Variants in SLC14A2 observed in about 807,000 individuals in gnomAD.
SLC14A2 encodes urea transporter 2.
In SLC14A2, 91 loss-of-function variants were observed where a neutral mutation model predicts 104.6. That is an observed-to-expected ratio of 0.87 (90% CI 0.73 to 1.04). SLC14A2 has a LOEUF of 1.04. Among genes scored for constraint, SLC14A2 ranks in the 50% least tolerant of loss-of-function variants. SLC14A2 has a pLI of 0.00. For missense variants in SLC14A2, 1,189 were observed against 1,156.0 expected (o/e 1.03, Z -0.41); for synonymous variants, 476 against 466.4 (o/e 1.02, Z -0.27).
At chr18:45,645,868 A>C (rs2045616701) in intron 10 of SLC14A2, among the ~76,000 whole-genome samples, 1 of 152,154 alleles carries the variant, frequency 6.6e-6, no homozygotes, top group Admixed American at 6.5e-5. Context: ...TCCCTGATAG[A>C]GACAGTCTAC....
intron 1 of SLC14A2, among the ~76,000 whole-genome samples, chr18:45,465,958 A>G (rs985148261): frequency 6.6e-6 from 1 of 152,212 alleles, no homozygotes; most frequent in African/African-American, 2.4e-5. Flanking sequence ...CCTGTTAATA[A>G]CAAAAACAAC....
chr18:45,555,216 A>T (rs2044114532), intron 2 of SLC14A2, among the ~76,000 whole-genome samples: 1 of 152,246 alleles, frequency 6.6e-6, no homozygotes, highest in African/African-American at 2.4e-5. Flanking sequence ...TACCCTCATA[A>T]GGAGTATATC....
intron 2 of SLC14A2, among the ~76,000 whole-genome samples, chr18:45,533,324 G>A (rs1214596771): frequency 1.3e-5 from 2 of 152,238 alleles, no homozygotes; most frequent in East Asian, 3.9e-4. Flanking sequence ...AATCCATCTG[G>A]TCCTGGACTT....
At chr18:45,338,199 T>A (rs2085355050) in intron 1 of SLC14A2, among the ~76,000 whole-genome samples, 1 of 152,090 alleles carries the variant, frequency 6.6e-6, no homozygotes. Context: ...TTTTTGTTTG[T>A]TTGTTTTTTG....
chr18:45,635,329 T>C (rs771471856), intron 5 of SLC14A2, among the ~76,000 whole-genome samples: 2 of 152,010 alleles, frequency 1.3e-5, no homozygotes, highest in Non-Finnish European at 2.9e-5. Context: ...AGAGAGAAAA[T>C]ATTCAAGACA....
rs1408754224 is a variant in SLC14A2, at chr18:45,644,146, A to AGAAG, written c.1339_1342dup (p.Ala448GlufsTer74). On this transcript the variant is annotated frameshift_variant, in exon 10 of 20. Coordinates refer to ENST00000255226, the MANE Select transcript of SLC14A2 (RefSeq NM_007163.4). LOFTEE classifies it high-confidence loss of function. ...CTGACAGTGAAAAGCGGTGAAGAAGAGAAGGCCCCCAGCGGTGAATAGCCA... is the reference window on the plus strand; with the variant it reads ...CTGACAGTGAAAAGCGGTGAAGAAGAGAAGGAAGGCCCCCAGCGGTGAATAGCCA... 1.2e-6 allele frequency: 2 copies of AGAAG among 1,614,230 alleles called. No homozygotes were observed. The highest frequency in any genetic ancestry group is 2.2e-5 in the South Asian group (2 of 91,084).
intron 7 of SLC14A2, 140 bp from the exon 8 acceptor site, chr18:45,641,069 A>C: frequency 1.3e-6 from 1 of 763,242 alleles, no homozygotes; most frequent in Non-Finnish European, 2.1e-6. Context: ...TGCCATTTGT[A>C]GAGGCTCTTT....
intron 1 of SLC14A2, among the ~76,000 whole-genome samples, chr18:45,445,744 G>C (rs2086757968): frequency 6.6e-6 from 1 of 152,214 alleles, no homozygotes; most frequent in Non-Finnish European, 1.5e-5. Flanking sequence ...GATGGAGTAG[G>C]CAGTTGCCTT....
rs71177674 is a variant in SLC14A2, at chr18:45,414,757, AAT to A, written c.-124-68438_-124-68437del. On this transcript the variant is annotated intron_variant, in intron 1 of 20. Transcript: ENST00000586448. ...AGGCACCGAGCGTAAAAAAAAAAAAAATATATATATATATATATATATATATA... is the reference window on the plus strand; with the variant it reads ...AGGCACCGAGCGTAAAAAAAAAAAAAATATATATATATATATATATATATA... 6.3e-3 allele frequency among the ~76,000 whole-genome samples: 478 copies of A among 75,756 alleles called. 6 individuals carry two copies. The highest frequency in any genetic ancestry group is 9.1e-3 in the Middle Eastern group (1 of 110). 49.7% of individuals were successfully genotyped at this position (75,756 alleles called of 152,430 possible).
intron 2 of SLC14A2, among the ~76,000 whole-genome samples, chr18:45,539,893 G>T (rs1277798716): frequency 8.5e-6 from 1 of 117,004 alleles, no homozygotes; most frequent in Non-Finnish European, 1.9e-5. Context: ...AATGAAAAGA[G>T]TAAAAAAAAA....
chr18:45,246,836 C>A (rs2144064605), intron 1 of SLC14A2, among the ~76,000 whole-genome samples: 1 of 152,178 alleles, frequency 6.6e-6, no homozygotes, highest in East Asian at 1.9e-4. Context: ...ATAGTGAAAC[C>A]CCGTCTCTAC....
At chr18:45,543,061 G>T (rs1253993203) in intron 2 of SLC14A2, among the ~76,000 whole-genome samples, 1 of 151,940 alleles carries the variant, frequency 6.6e-6, no homozygotes, top group Non-Finnish European at 1.5e-5. Context: ...TGATCCTCCT[G>T]CCTCAGCCTC....
chr18:45,244,991 C>T (rs1481175032), intron 1 of SLC14A2, among the ~76,000 whole-genome samples: 2 of 152,268 alleles, frequency 1.3e-5, no homozygotes, highest in Non-Finnish European at 2.9e-5. Flanking sequence ...GTGATTCTGT[C>T]GGCAGGGCAA....
the SLC14A2 span, among the ~76,000 whole-genome samples, chr18:45,187,892 G>A: frequency 1.3e-5 from 2 of 152,150 alleles, no homozygotes; most frequent in East Asian, 1.9e-4. Flanking sequence ...ATGCCAGTGG[G>A]TGTTACAAAT....
chr18:45,676,720 G>A (rs2046235160), intron 18 of SLC14A2, among the ~76,000 whole-genome samples: 1 of 152,320 alleles, frequency 6.6e-6, no homozygotes, highest in Non-Finnish European at 1.5e-5. Context: ...TGGAGCTGGA[G>A]CTGTGAAACC....
chr18:45,626,977 G>T lies in SLC14A2; in HGVS notation c.351G>T (p.Gln117His), dbSNP rs775882389. 2 of 1,612,090 alleles carry T rather than the reference G, an allele frequency of 1.2e-6. No homozygotes were observed. The highest frequency in any genetic ancestry group is 1.7e-6 in the Non-Finnish European group (2 of 1,179,716). ...IWLKDKHLAL[Q>H]FIDWVLRGTA... ...TTTCAGACAAGCACCTTGCCCTCCA[G>T]TTCATAGACTGGGTCCTGAGAGGGA... The change falls in exon 4 of 20, where the codon CAG becomes CAT. Residue 117 changes from glutamine to histidine, a missense_variant. Transcript: ENST00000255226.
At chr18:45,634,670 C>CA (rs1331568754) in intron 5 of SLC14A2, among the ~76,000 whole-genome samples, 1 of 152,132 alleles carries the variant, frequency 6.6e-6, no homozygotes, top group African/African-American at 2.4e-5. Flanking sequence ...GAGGGGAGGG[C>CA]AGGTACTCGA....
chr18:45,542,124 A>G (rs1303727976), intron 2 of SLC14A2: 1 of 126,538 alleles, frequency 7.9e-6, no homozygotes, highest in Non-Finnish European at 1.6e-5. Flanking sequence ...TTAGGTTTTC[A>G]GCTCTCTTGC....
intron 2 of SLC14A2, among the ~76,000 whole-genome samples, chr18:45,553,592 C>T (rs868408): frequency 0.031 from 4,783 of 152,114 alleles, 125 homozygotes; most frequent in Admixed American, 0.084. Context: ...ATTAGATTCT[C>T]GAGGGCCCTT....
Sources: gnomAD v4.1 joint callset for allele counts (sites outside exome capture counted in the v4.1 genomes callset) on GRCh38, gnomAD v4.1.1 for gene constraint, MANE v1.5 for transcripts, NCBI Gene and HGNC (gene_info 2026-07-23, HGNC 2026-07-21) for gene names.